EFNB3: variants seen among roughly 807,000 people sequenced by gnomAD.
The protein encoded by EFNB3 is ephrin-B3.
Under a neutral mutation model 29.8 loss-of-function variants are expected in EFNB3, and 14 were observed. The ratio of observed to expected loss-of-function variants is 0.47; its 90% confidence interval spans 0.31 to 0.73. The LOEUF (loss-of-function observed/expected upper bound fraction) is 0.73. Among genes scored for constraint, EFNB3 ranks in the 30% least tolerant of loss-of-function variants. EFNB3 has a pLI of 0.05. For missense variants in EFNB3, 408 were observed against 458.0 expected, an observed-to-expected ratio of 0.89 and a Z score of 1.00; for synonymous variants, 216 against 191.6, an observed-to-expected ratio of 1.13 and a Z score of -1.05.
intron 1 of EFNB3, 32 bp from the exon 2 acceptor site, chr17:7,707,926 C>G: frequency 1.3e-6 from 2 of 1,569,540 alleles, no homozygotes; most frequent in Middle Eastern, 1.7e-4. Context: ...TCTGACATCT[C>G]TTCCTTGTCC....
chr17:7,707,634 T>C (rs2074331841), intron 1 of EFNB3, among the ~76,000 whole-genome samples: 1 of 152,086 alleles, frequency 6.6e-6, no homozygotes, highest in African/African-American at 2.4e-5. Context: ...CCTTGGTAAC[T>C]GGCATCCTGT....
chr17:7,709,966 C>T lies in EFNB3; in HGVS notation c.*390C>T. 1 of 342,228 alleles carries T rather than the reference C, an allele frequency of 2.9e-6. No individual in the cohort carries two copies. The highest frequency in any genetic ancestry group is 5.4e-6 in the Non-Finnish European group (1 of 184,904). 21.2% of individuals were successfully genotyped at this position (342,228 alleles called of 1,614,324 possible). A position where few individuals can be genotyped will look rare whatever the true frequency, so the allele number is the denominator to read the frequency against. On this transcript the variant is annotated 3_prime_UTR_variant, in exon 5 of 5. Transcript: ENST00000226091. The surrounding 1 kb of genome is among the most constrained non-coding windows in gnomAD (Gnocchi z 4.5). ...CTGCCTCTCACTGGTTTTCTCTTCTCTATCTCTTATTCTTTCCCTCTCTTC... is the reference window on the plus strand; with the variant it reads ...CTGCCTCTCACTGGTTTTCTCTTCTTTATCTCTTATTCTTTCCCTCTCTTC...
At chr17:7,707,673 C>T (rs959863636) in intron 1 of EFNB3, among the ~76,000 whole-genome samples, 1 of 152,060 alleles carries the variant, frequency 6.6e-6, no homozygotes. Flanking sequence ...GGTGATGGAG[C>T]GGGAGATGGC....
chr17:7,708,700 G>A lies in EFNB3; in HGVS notation c.574G>A (p.Ala192Thr), dbSNP rs1367604025. 1.3e-6 allele frequency: 2 copies of A among 1,576,266 alleles called. No individual in the cohort carries two copies. The highest frequency in any genetic ancestry group is 1.7e-6 in the Non-Finnish European group (2 of 1,160,220). The change falls in exon 4 of 5, where the codon GCA (alanine) becomes ACA (threonine). Residue 192 changes from alanine (A) to threonine (T), a missense_variant. Physicochemically the swap from Ala to Thr is moderately conservative, Grantham distance 58 (BLOSUM62 0). Around this residue, in one of 3 missense-constraint regions of EFNB3, gnomAD observed 233 missense variants for 230.7 expected, o/e 1.01. Transcript: ENST00000226091. This position sits in a 1 kb window ranked among gnomAD's most constrained non-coding sequence, Gnocchi z 6.8. ...AATGCCCATGGAAAGAGACCGAGGG[G>A]CAGCCCACAGCCTGGAGCCTGGGAA... ...SEMPMERDRGAAHSLEPGKEN... is the reference protein window; with the variant it reads ...SEMPMERDRGTAHSLEPGKEN...
chr17:7,708,320 T>C lies in EFNB3; in HGVS notation c.415+70T>C. ...CTGAGCAGAGAGGGAGGGGGACCCC[T>C]GCAGCCAAGAGGGAGATCCCAGTGC... On this transcript the variant is annotated intron_variant, in intron 2 of 4. Transcript: ENST00000226091. This position sits in a 1 kb window ranked among gnomAD's most constrained non-coding sequence, Gnocchi z 6.8. The C allele has an allele frequency of 6.3e-7, 1 of 1,584,330 alleles. No homozygotes were observed. The highest frequency in any genetic ancestry group is 1.2e-5 in the South Asian group (1 of 85,932).
Position 7,708,877 on chromosome 17 carries a change from T to A in EFNB3, c.613+138T>A. The stretch of plus-strand genomic sequence containing the variant: ...AAGAGGAGAAGAGAGGATGGGAGGG[T>A]GGGAGGGGAATGGAAACCAAATGAG... On this transcript the variant is annotated intron_variant, in intron 4 of 4. Transcript: ENST00000226091. This position sits in a 1 kb window ranked among gnomAD's most constrained non-coding sequence, Gnocchi z 6.8. The A allele has an allele frequency of 1.5e-6, 1 of 689,034 alleles. No individual in the cohort carries two copies. Among genetic ancestry groups the A allele is most frequent in the East Asian group, 2.8e-5 (1 of 35,542 alleles). 42.7% of individuals were successfully genotyped at this position (689,034 alleles called of 1,614,324 possible).
Position 7,709,380 on chromosome 17 carries a change from G to T in EFNB3, c.827G>T (p.Gly276Val), listed in dbSNP as rs763242038. ...TCCTTCGGGAGGGGAGGGTCTCTGG[G>T]CCTGGGGGGTGGAGGTGGGATGGGA... ...PGSFGRGGSL[G>V]LGGGGGMGPR... The change falls in exon 5 of 5, where the codon GGC becomes GTC. Residue 276 changes from glycine to valine, a missense_variant. This residue lies in a region of EFNB3 where 233 missense variants were observed against 230.7 expected (regional missense o/e 1.01). Transcript: ENST00000226091. This position sits in a 1 kb window ranked among gnomAD's most constrained non-coding sequence, Gnocchi z 4.5. The T allele has an allele frequency of 1.9e-6, 3 of 1,591,430 alleles. No homozygotes were observed. The highest frequency in any genetic ancestry group is 2.7e-5 in the African/African-American group (2 of 74,290).
chr17:7,706,932 A>G (rs2151099120), intron 1 of EFNB3, among the ~76,000 whole-genome samples: 1 of 151,914 alleles, frequency 6.6e-6, no homozygotes, highest in East Asian at 1.9e-4. Context: ...TCTTTTCTGT[A>G]CTCAGTCACC....
rs370401989 is a variant in EFNB3, at chr17:7,709,329, C to T, written c.776C>T (p.Ser259Leu). The change falls in exon 5 of 5, where the codon TCG becomes TTG. Residue 259 changes from serine (S) to leucine (L), a missense_variant. By Grantham distance (145) the Ser-to-Leu change is moderately radical. This residue lies in a region of EFNB3 where 233 missense variants were observed against 230.7 expected (regional missense o/e 1.01). Transcript: ENST00000226091. This position sits in a 1 kb window ranked among gnomAD's most constrained non-coding sequence, Gnocchi z 4.5. ...TGGCGGAGACGGCGGGCCAAGCCTT[C>T]GGAGAGTCGCCACCCTGGTCCTGGC... is the stretch of plus-strand genomic sequence containing the variant. ...MCWRRRRAKP[S>L]ESRHPGPGSF... The T allele has an allele frequency of 4.9e-5, 73 of 1,498,646 alleles. No individual in the cohort carries two copies. The highest frequency in any genetic ancestry group is 5.9e-5 in the South Asian group (5 of 84,158). The allele number at this position is 1,498,646 out of a possible 1,614,324, so 92.8% of individuals were successfully genotyped here.
Position 7,709,064 on chromosome 17 carries a change from C to T in EFNB3, c.614-103C>T. The T allele has an allele frequency of 8.2e-7, 1 of 1,213,262 alleles. No homozygotes were observed. The highest frequency in any genetic ancestry group is 1.2e-6 in the Non-Finnish European group (1 of 854,550). The allele number at this position is 1,213,262 out of a possible 1,614,324, so 75.2% of individuals were successfully genotyped here. A position where few individuals can be genotyped will look rare whatever the true frequency, so the allele number is the denominator to read the frequency against. On this transcript the variant is annotated intron_variant, in intron 4 of 4. Transcript: ENST00000226091. The surrounding 1 kb of genome is among the most constrained non-coding windows in gnomAD (Gnocchi z 4.5). ...ATGGGGTCCCCAAGGGGCCTGGGCGCTACAAGGGAAGCCCATGGGGACCCC... is the reference window on the plus strand; with the variant it reads ...ATGGGGTCCCCAAGGGGCCTGGGCGTTACAAGGGAAGCCCATGGGGACCCC...
rs1318979894 is a variant in EFNB3 at position 7,708,094 on chromosome 17, G to T, written c.259G>T (p.Ala87Ser). The T allele has an allele frequency of 1.2e-6, 2 of 1,614,008 alleles. No homozygotes were observed. The highest frequency in any genetic ancestry group is 1.3e-5 in the African/African-American group (1 of 74,904). ...CTACAAGCTGTACCTGGTAGGGGGT[G>T]CTCAGGGCCGGCGCTGTGAGGCACC... ...EFYKLYLVGGAQGRRCEAPPA... is the reference protein window; with the variant it reads ...EFYKLYLVGGSQGRRCEAPPA... The change falls in exon 2 of 5, where the codon GCT (alanine) becomes TCT (serine). Residue 87 changes from alanine to serine, a missense_variant. Ala to Ser is a moderately conservative substitution (Grantham distance 99, BLOSUM62 1). Around this residue, in one of 3 missense-constraint regions of EFNB3, gnomAD observed 128 missense variants for 140.8 expected, o/e 0.91. Transcript: ENST00000226091. This position sits in a 1 kb window ranked among gnomAD's most constrained non-coding sequence, Gnocchi z 6.8.
chr17:7,709,444 G>A lies in EFNB3; in HGVS notation c.891G>A (p.Leu297=). ...EAEPGELGIA[L]RGGGAADPPF... ...AGCCTGGGGAGCTAGGGATAGCTCTGCGGGGTGGCGGGGCTGCAGATCCCC... is the reference window on the plus strand; with the variant it reads ...AGCCTGGGGAGCTAGGGATAGCTCTACGGGGTGGCGGGGCTGCAGATCCCC... Residue 297 remains leucine, a synonymous_variant, in exon 5 of 5, where the codon CTG becomes CTA. Coordinates refer to ENST00000226091, the MANE Select transcript of EFNB3 (RefSeq NM_001406.4). The surrounding 1 kb of genome is among the most constrained non-coding windows in gnomAD (Gnocchi z 4.5). 6.2e-7 allele frequency: 1 copy of A among 1,613,524 alleles called. No individual in the cohort carries two copies. The highest frequency in any genetic ancestry group is 8.5e-7 in the Non-Finnish European group (1 of 1,179,692).
rs544468649 is a variant in EFNB3, at chr17:7,708,018, C to G, written c.183C>G (p.Leu61=). Residue 61 remains leucine, a synonymous_variant, in exon 2 of 5, where the codon CTC becomes CTG. Coordinates refer to ENST00000226091, the MANE Select transcript of EFNB3 (RefSeq NM_001406.4). This position sits in a 1 kb window ranked among gnomAD's most constrained non-coding sequence, Gnocchi z 6.8. ...YPQIGDRLDL[L]CPRARPPGPH... ...AGATCGGGGACCGGCTAGACCTGCT[C>G]TGCCCCCGGGCCCGGCCTCCTGGCC... 3 of 1,614,084 alleles carry G rather than the reference C, an allele frequency of 1.9e-6. No homozygotes were observed. Among genetic ancestry groups the G allele is most frequent in the Admixed American group, 3.3e-5 (2 of 60,028 alleles).
In EFNB3 at chr17:7,708,482, G is replaced by T; in HGVS notation, c.463G>T (p.Val155Leu). The change falls in exon 3 of 5, where the codon GTG becomes TTG. Residue 155 changes from valine to leucine, a missense_variant. By Grantham distance (32) the Val-to-Leu change is conservative (BLOSUM62 1). Coordinates refer to ENST00000226091, the MANE Select transcript of EFNB3 (RefSeq NM_001406.4). This position sits in a 1 kb window ranked among gnomAD's most constrained non-coding sequence, Gnocchi z 6.8. The part of the protein sequence containing the change: ...REGLESLQGG[V>L]CLTRGMKVLL... The stretch of plus-strand genomic sequence containing the variant: ...GGGCCTGGAGAGCCTGCAGGGAGGT[G>T]TGTGCCTAACCAGAGGCATGAAGGT... 1 of 1,614,008 alleles carries T rather than the reference G, an allele frequency of 6.2e-7. No individual in the cohort carries two copies. The highest frequency in any genetic ancestry group is 8.5e-7 in the Non-Finnish European group (1 of 1,179,962).
At position 7,708,495 on chromosome 17, in the gene EFNB3, G is replaced by A; in HGVS notation, c.476G>A (p.Arg159Lys). 6.2e-7 allele frequency: 1 copy of A among 1,614,026 alleles called. No individual in the cohort carries two copies. Among genetic ancestry groups the A allele is most frequent in the South Asian group, 1.1e-5 (1 of 91,026 alleles). ...ESLQGGVCLT[R>K]GMKVLLRVGQ... ...CTGCAGGGAGGTGTGTGCCTAACCA[G>A]AGGCATGAAGGTGCTTCTCCGAGTG... Residue 159 changes from arginine (R) to lysine (K), a missense_variant, in exon 3 of 5, where the codon AGA (arginine) becomes AAA (lysine). Arg to Lys is a conservative substitution (Grantham distance 26). Coordinates refer to ENST00000226091, the MANE Select transcript of EFNB3 (RefSeq NM_001406.4). This position sits in a 1 kb window ranked among gnomAD's most constrained non-coding sequence, Gnocchi z 6.8.
Position 7,708,769 on chromosome 17 carries a change from C to A in EFNB3, c.613+30C>A. 6.6e-7 allele frequency: 1 copy of A among 1,508,396 alleles called. No homozygotes were observed. The highest frequency in any genetic ancestry group is 1.4e-5 in the African/African-American group (1 of 71,176). The allele number at this position is 1,508,396 out of a possible 1,614,324, so 93.4% of individuals were successfully genotyped here. A position where few individuals can be genotyped will look rare whatever the true frequency, so the allele number is the denominator to read the frequency against. On this transcript the variant is annotated intron_variant, in intron 4 of 4. Transcript: ENST00000226091. This position sits in a 1 kb window ranked among gnomAD's most constrained non-coding sequence, Gnocchi z 6.8. ...GAACCAGGGGCTAGGCCCCTGCCTTCCCCAGCTTCCTCTGCTCTCAGACCC... is the reference window on the plus strand; with the variant it reads ...GAACCAGGGGCTAGGCCCCTGCCTTACCCAGCTTCCTCTGCTCTCAGACCC...
Position 7,709,790 on chromosome 17 carries a change from C to G in EFNB3, c.*214C>G, listed in dbSNP as rs1482928071. ...CCTCCCGTTTGGCCATGGGTGCCCC[C>G]CTCTGTCTCAGTGTCCCTGGATCCT... On this transcript the variant is annotated 3_prime_UTR_variant, in exon 5 of 5. Coordinates refer to ENST00000226091, the MANE Select transcript of EFNB3 (RefSeq NM_001406.4). This position sits in a 1 kb window ranked among gnomAD's most constrained non-coding sequence, Gnocchi z 4.5. 1 of 624,662 alleles carries G rather than the reference C, an allele frequency of 1.6e-6. No homozygotes were observed. The highest frequency in any genetic ancestry group is 2.8e-6 in the Non-Finnish European group (1 of 354,780). 38.7% of individuals were successfully genotyped at this position (624,662 alleles called of 1,614,324 possible).
Position 7,709,256 on chromosome 17 carries a change from C to T in EFNB3, c.703C>T (p.Leu235=), listed in dbSNP as rs1168359631. Reference sequence around the variant, plus strand: ...TGCAGTGGCTGGGGCAGCAGGGGGGCTGGCGCTGCTCTTGCTGGGCGTGGC... The same window carrying T: ...TGCAGTGGCTGGGGCAGCAGGGGGGTTGGCGCTGCTCTTGCTGGGCGTGGC... ...MPAVAGAAGG[L]ALLLLGVAGA... The change falls in exon 5 of 5, where the codon CTG becomes TTG. Residue 235 remains leucine (L), a synonymous_variant. Transcript: ENST00000226091. The surrounding 1 kb of genome is among the most constrained non-coding windows in gnomAD (Gnocchi z 4.5). The T allele has an allele frequency of 3.8e-6, 6 of 1,589,460 alleles. No homozygotes were observed. The South Asian group carries it at 6.8e-5, about 18-fold the overall frequency.
chr17:7,709,558 C>T lies in EFNB3; in HGVS notation c.1005C>T (p.Asn335=). 2.5e-6 allele frequency: 4 copies of T among 1,613,984 alleles called. No individual in the cohort carries two copies. Among genetic ancestry groups the T allele is most frequent in the Non-Finnish European group, 3.4e-6 (4 of 1,179,962 alleles). Residue 335 remains asparagine, a synonymous_variant, in exon 5 of 5, where the codon AAC becomes AAT. Coordinates refer to ENST00000226091, the MANE Select transcript of EFNB3 (RefSeq NM_001406.4). This position sits in a 1 kb window ranked among gnomAD's most constrained non-coding sequence, Gnocchi z 4.5. ...ATGGGCCCCCCCAGAGCCCTCCAAA[C>T]ATCTACTACAAGGTATGAGGGCTCC... ...VQDGPPQSPP[N]IYYKV
Sources: gnomAD v4.1 joint callset for allele counts (sites outside exome capture counted in the v4.1 genomes callset) on GRCh38, gnomAD v4.1.1 for gene constraint, gnomAD v4.1.1 regional missense constraint, Gnocchi (gnomAD v3.1) non-coding constraint, MANE v1.5 for transcripts, NCBI Gene and HGNC (gene_info 2026-07-23, HGNC 2026-07-21) for gene names.